Variants in CPEB3 observed in about 807,000 individuals in gnomAD.
CPEB3 encodes the protein cytoplasmic polyadenylation element binding protein 3.
In CPEB3, 20 loss-of-function variants were observed where a neutral mutation model predicts 67.2. That is an observed-to-expected ratio of 0.30 (90% CI 0.21 to 0.43). The LOEUF is 0.43. CPEB3 is among the 20% of genes least tolerant of loss of function. The probability of loss-of-function intolerance (pLI) is 1.00; values close to 1 mark genes in which losing one functional copy is unlikely to be tolerated. For synonymous variants in CPEB3, 376 were observed against 393.1 expected (o/e 0.96, Z 0.51); for missense variants, 746 against 968.6 (o/e 0.77, Z 3.05).
rs34744393 is a variant in CPEB3 at position 92,259,601 on chromosome 10, C to CA, written c.-11-19241dup. ...GGGAAACAAGAGCAAAATTCCATCT[C>CA]AAAAAAAAAAAAAAATCATCTATCT... On this transcript the variant is annotated intron_variant, in intron 1 of 9. Coordinates refer to ENST00000265997, the MANE Select transcript of CPEB3 (RefSeq NM_014912.5). 5.8e-3 allele frequency among the ~76,000 whole-genome samples: 840 copies of CA among 143,932 alleles called. 6 individuals carry two copies. The highest frequency in any genetic ancestry group is 0.03 in the East Asian group (143 of 4,800). 94.4% of individuals were successfully genotyped at this position (143,932 alleles called of 152,430 possible). A position where few individuals can be genotyped will look rare whatever the true frequency, so the allele number is the denominator to read the frequency against.
intron 1 of CPEB3, among the ~76,000 whole-genome samples, chr10:92,270,591 C>G (rs10882043): frequency 0.33 from 45,178 of 138,712 alleles, 7,349 homozygotes; most frequent in Admixed American, 0.46. Context: ...GACACAGGTT[C>G]TCACTCTGTT....
rs185164168 is a variant in CPEB3, at chr10:92,270,135, G to A, written c.-12+20791C>T. 7.1e-3 allele frequency among the ~76,000 whole-genome samples: 1,088 copies of A among 152,304 alleles called. 9 individuals are homozygous for A. Among genetic ancestry groups the A allele is most frequent in the Non-Finnish European group, 0.012 (791 of 68,030 alleles). On this transcript the variant is annotated intron_variant, in intron 1 of 9. Transcript: ENST00000265997. ...CAAGGTAGTAGGGAAACAGTACTGA[G>A]CAAGAAGATAAATTTCCTCTATCTC...
At position 92,047,770 on chromosome 10, in the gene CPEB3, A is replaced by C. The variant is rs1419398760; in HGVS notation, c.*4442T>G. ...AATACATAGAGCATACCCAAGACCA[A>C]CTCTGGACACAAGTTTCTCTGAGTT... On this transcript the variant is annotated 3_prime_UTR_variant, in exon 10 of 10. Coordinates refer to ENST00000265997, the MANE Select transcript of CPEB3 (RefSeq NM_014912.5). 6.6e-6 allele frequency: 1 copy of C among 152,134 alleles called. No homozygotes were observed. Among genetic ancestry groups the C allele is most frequent in the Non-Finnish European group, 1.5e-5 (1 of 68,016 alleles). The allele number at this position is 152,134 out of a possible 1,614,324, so 9.4% of individuals were successfully genotyped here.
Position 92,257,235 on chromosome 10 carries a change from T to C in CPEB3, c.-11-16874A>G, listed in dbSNP as rs149902041. On this transcript the variant is annotated intron_variant, in intron 1 of 9. Coordinates refer to ENST00000265997, the MANE Select transcript of CPEB3 (RefSeq NM_014912.5). ...ACTGACTGTTTCCTTGAGCCTTATT[T>C]CTAAAGAAGAAATTGCTCAATTGGA... Among the ~76,000 whole-genome samples the C allele has an allele frequency of 2.6e-5, 4 of 152,386 alleles. No individual in the cohort carries two copies. The East Asian group carries it at 7.7e-4, about 29-fold the overall frequency.
At chr10:92,055,515 G>C (rs1055545310) in intron 9 of CPEB3, among the ~76,000 whole-genome samples, 2 of 152,042 alleles carry the variant, frequency 1.3e-5, no homozygotes, top group African/African-American at 2.4e-5. Flanking sequence ...GAGACATTAC[G>C]AACATTCTTC....
intron 8 of CPEB3, among the ~76,000 whole-genome samples, chr10:92,082,174 A>G (rs1369050914): frequency 2.0e-5 from 3 of 152,258 alleles, no homozygotes; most frequent in African/African-American, 7.2e-5. Context: ...CTAAGGTGCC[A>G]CACAAATAGT....
intron 9 of CPEB3, among the ~76,000 whole-genome samples, chr10:92,060,183 C>T (rs1006357540): frequency 2.6e-5 from 4 of 151,628 alleles, no homozygotes; most frequent in Admixed American, 1.3e-4. Context: ...ATGGTGAAAC[C>T]CCATCTCTAC....
chr10:92,180,893 C>A, intron 4 of CPEB3, 70 bp downstream of exon 4: 1 of 840,334 alleles, frequency 1.2e-6, no homozygotes, highest in South Asian at 1.4e-5. Context: ...AACCAACAAT[C>A]AAGAATGTAG....
intron 1 of CPEB3, among the ~76,000 whole-genome samples, chr10:92,281,742 C>T (rs1381016147): frequency 1.3e-5 from 2 of 152,122 alleles, no homozygotes; most frequent in African/African-American, 4.8e-5. Flanking sequence ...TAATCATGGA[C>T]ATTAAGTGAA....
At chr10:92,058,420 G>GCA (rs1842194831) in intron 9 of CPEB3, among the ~76,000 whole-genome samples, 2 of 152,176 alleles carry the variant, frequency 1.3e-5, no homozygotes, top group South Asian at 4.1e-4. Context: ...ATGGTGGCAA[G>GCA]TAACTGTAAT....
intron 4 of CPEB3, among the ~76,000 whole-genome samples, chr10:92,160,500 T>C (rs1847422047): frequency 6.6e-6 from 1 of 152,196 alleles, no homozygotes; most frequent in Non-Finnish European, 1.5e-5. Flanking sequence ...TGACATCCTA[T>C]CACTTGTCTC....
At chr10:92,183,227 T>C (rs1848541303) in intron 3 of CPEB3, among the ~76,000 whole-genome samples, 1 of 152,210 alleles carries the variant, frequency 6.6e-6, no homozygotes, top group Non-Finnish European at 1.5e-5. Context: ...TCATATTTAC[T>C]AGAAGCTAAT....
intron 1 of CPEB3, among the ~76,000 whole-genome samples, chr10:92,256,845 T>C (rs1382716970): frequency 6.6e-6 from 1 of 152,272 alleles, no homozygotes; most frequent in Non-Finnish European, 1.5e-5. Flanking sequence ...TTATTCTTCA[T>C]ATTTCAGTGT....
intron 1 of CPEB3, among the ~76,000 whole-genome samples, chr10:92,240,693 G>A (rs1017977859): frequency 9.2e-5 from 14 of 152,048 alleles, no homozygotes; most frequent in Non-Finnish European, 1.5e-4. Flanking sequence ...AACTCAGAGC[G>A]TTCGCCCTGC....
chr10:92,156,273 A>G (rs894776098), intron 4 of CPEB3, among the ~76,000 whole-genome samples: 4 of 152,082 alleles, frequency 2.6e-5, no homozygotes, highest in Non-Finnish European at 5.9e-5. Flanking sequence ...GGTGACCTGT[A>G]TGGCCAGAGA....
intron 8 of CPEB3, among the ~76,000 whole-genome samples, chr10:92,088,477 AG>A (rs1373496995): frequency 6.6e-6 from 1 of 152,128 alleles, no homozygotes; most frequent in Non-Finnish European, 1.5e-5. Flanking sequence ...GGTTTATCAA[AG>A]AACCAGAAAC....
intron 2 of CPEB3, among the ~76,000 whole-genome samples, chr10:92,197,824 A>G (rs1849312043): frequency 6.6e-6 from 1 of 152,176 alleles, no homozygotes; most frequent in South Asian, 2.1e-4. Flanking sequence ...AAATTAAACA[A>G]GTCGCTGGGC....
chr10:92,216,485 A>G, intron 2 of CPEB3: 1 of 1,613,074 alleles, frequency 6.2e-7, no homozygotes, highest in Non-Finnish European at 8.5e-7. Flanking sequence ...CAAATGCATT[A>G]AGAAAGCGGT....
chr10:92,279,451 C>A (rs537496223), intron 1 of CPEB3, among the ~76,000 whole-genome samples: 5 of 152,242 alleles, frequency 3.3e-5, no homozygotes, highest in African/African-American at 9.6e-5. Context: ...GCAATATCGT[C>A]CCCCCTTGAT....
Sources: allele counts gnomAD v4.1 joint callset (sites outside exome capture counted in the v4.1 genomes callset), GRCh38; gene constraint gnomAD v4.1.1; transcripts MANE v1.5; gene names NCBI Gene and HGNC (gene_info 2026-07-23, HGNC 2026-07-21).